PARP8: variants seen among roughly 807,000 people sequenced by gnomAD.
The protein encoded by PARP8 is poly(ADP-ribose) polymerase family member 8.
In PARP8, 51 loss-of-function variants were observed where a neutral mutation model predicts 124.1. The ratio of observed to expected loss-of-function variants is 0.41; its 90% CI spans 0.33 to 0.52. The LOEUF is 0.52. PARP8 is among the 20% of genes least tolerant of loss of function. The pLI is 0.21. For synonymous variants in PARP8, 391 were observed against 361.5 expected (o/e 1.08, Z -0.93); for missense variants, 860 against 1,018.9 (o/e 0.84, Z 2.12).
At chr5:50,754,180 C>T (rs202161380) in intron 3 of PARP8, among the ~76,000 whole-genome samples, 220 of 49,708 alleles carry the variant, frequency 4.4e-3, no homozygotes, top group East Asian at 0.012. Flanking sequence ...CACACACACA[C>T]ATATATATAT....
intron 7 of PARP8, among the ~76,000 whole-genome samples, chr5:50,765,262 CA>C (rs961956367): frequency 4.4e-4 from 61 of 138,466 alleles, no homozygotes; most frequent in Non-Finnish European, 5.2e-4. Flanking sequence ...AACTCCGTCT[CA>C]AAAAAAAAAA....
intron 2 of PARP8, among the ~76,000 whole-genome samples, chr5:50,697,689 T>C (rs1753177732): frequency 6.6e-6 from 1 of 152,144 alleles, no homozygotes; most frequent in South Asian, 2.1e-4. Context: ...TTTAAATGTT[T>C]TGTAGCGGCA....
chr5:50,667,289 A>G (rs1199819117), intron 1 of PARP8, 103 bp downstream of exon 1: 11 of 1,223,056 alleles, frequency 9.0e-6, no homozygotes, highest in Non-Finnish European at 1.3e-5. Flanking sequence ...GCACGTCCCC[A>G]TTCTGGGGTT....
At chr5:50,806,387 A>T (rs1175627702) in intron 14 of PARP8, among the ~76,000 whole-genome samples, 1 of 152,056 alleles carries the variant, frequency 6.6e-6, no homozygotes, top group Non-Finnish European at 1.5e-5. Flanking sequence ...TGGGCAATTC[A>T]TTCCTATAGT....
intron 9 of PARP8, among the ~76,000 whole-genome samples, chr5:50,785,190 G>A (rs192637058): frequency 3.9e-5 from 6 of 152,146 alleles, no homozygotes; most frequent in Admixed American, 2.0e-4. Context: ...ATGCTATTGA[G>A]TCAATGTTTG....
At position 50,821,131 on chromosome 5, in the gene PARP8, T is replaced by C; in HGVS notation, c.1669-82T>C. On this transcript the variant is annotated intron_variant, in intron 15 of 25. Transcript: ENST00000281631. ...AGTCCTGATCTTCCTCATTAACTTA[T>C]GCTACCTTGAGAGGGAGAAACAATG... 4 of 1,517,162 alleles carry C rather than the reference T, an allele frequency of 2.6e-6. No homozygotes were observed. In the South Asian group the frequency reaches 3.5e-5, roughly 13 times the overall value. The allele number at this position is 1,517,162 out of a possible 1,614,324, so 94.0% of individuals were successfully genotyped here.
In PARP8 at chr5:50,707,134, A is replaced by T. The variant is rs1449459687; in HGVS notation, c.146+39009A>T. ...AAACCTTTTTTGTACACATAAGAAC[A>T]TTTACTGATTTAATAAATCAGACGC... On this transcript the variant is annotated intron_variant, in intron 2 of 25. Transcript: ENST00000281631. Among the ~76,000 whole-genome samples, 3 of 152,122 alleles carry T rather than the reference A, an allele frequency of 2.0e-5. No homozygotes were observed. In the East Asian group the frequency reaches 5.8e-4, roughly 29 times the overall value.
At chr5:50,816,517 C>A (rs1162957952) in intron 15 of PARP8, among the ~76,000 whole-genome samples, 1 of 152,114 alleles carries the variant, frequency 6.6e-6, no homozygotes, top group African/African-American at 2.4e-5. Context: ...TGTACACACT[C>A]CTTGGCCTAG....
intron 5 of PARP8, 145 bp from the exon 6 acceptor site, chr5:50,761,676 T>C: frequency 2.1e-6 from 1 of 482,458 alleles, no homozygotes; most frequent in South Asian, 2.8e-5. Context: ...CCACTACCTT[T>C]TGTTCTGGGG....
intron 9 of PARP8, 152 bp from the exon 10 acceptor site, chr5:50,788,371 G>A: frequency 1.8e-6 from 1 of 546,970 alleles, no homozygotes; most frequent in Non-Finnish European, 3.3e-6. Context: ...TGTGCATATA[G>A]CATAAATAGC....
intron 2 of PARP8, among the ~76,000 whole-genome samples, chr5:50,737,624 C>T (rs1380905682): frequency 6.6e-6 from 1 of 152,154 alleles, no homozygotes; most frequent in Non-Finnish European, 1.5e-5. Context: ...TGTCCCTCAC[C>T]AGTTATTTAA....
intron 2 of PARP8, among the ~76,000 whole-genome samples, chr5:50,709,955 T>C (rs112095861): frequency 0.17 from 17,546 of 102,262 alleles, 1,538 homozygotes; most frequent in East Asian, 0.27. Context: ...TATATATATA[T>C]ACACATACAT....
At chr5:50,799,245 T>C (rs920078488) in intron 14 of PARP8, among the ~76,000 whole-genome samples, 9 of 152,216 alleles carry the variant, frequency 5.9e-5, no homozygotes, top group African/African-American at 2.2e-4. Flanking sequence ...TTTTTGTATA[T>C]GGTGTTAGGT....
intron 2 of PARP8, among the ~76,000 whole-genome samples, chr5:50,702,894 A>C (rs1174564581): frequency 6.6e-6 from 1 of 152,202 alleles, no homozygotes; most frequent in Non-Finnish European, 1.5e-5. Flanking sequence ...TGCTGGGCAC[A>C]TGGCTGTAGT....
In PARP8 at chr5:50,843,210, A is replaced by T. The variant is rs1428680267; in HGVS notation, c.*1142A>T. 1 of 151,662 alleles carries T rather than the reference A, an allele frequency of 6.6e-6. No homozygotes were observed. The highest frequency in any genetic ancestry group is 1.5e-5 in the Non-Finnish European group (1 of 67,796). The allele number at this position is 151,662 out of a possible 1,614,324, so 9.4% of individuals were successfully genotyped here. A position where few individuals can be genotyped will look rare whatever the true frequency, so the allele number is the denominator to read the frequency against. The stretch of plus-strand genomic sequence containing the variant: ...CATAATTTCATCAAAATCATTTCTT[A>T]TTCTTTGAGTCCTAGAGTTCTTATT... On this transcript the variant is annotated 3_prime_UTR_variant, in exon 26 of 26. Coordinates refer to ENST00000281631, the MANE Select transcript of PARP8 (RefSeq NM_024615.4).
intron 16 of PARP8, 152 bp downstream of exon 16, chr5:50,821,490 G>A (rs1308309376): frequency 9.0e-6 from 8 of 889,376 alleles, no homozygotes; most frequent in South Asian, 2.0e-5. Context: ...TATATTTTTG[G>A]GGATTCCGAC....
intron 15 of PARP8, among the ~76,000 whole-genome samples, chr5:50,816,321 C>G (rs1580441263): frequency 6.6e-6 from 1 of 152,130 alleles, no homozygotes; most frequent in Admixed American, 6.6e-5. Context: ...ATTGGTTTAG[C>G]GCTTTACCTT....
intron 10 of PARP8, among the ~76,000 whole-genome samples, chr5:50,793,752 A>G (rs1742219670): frequency 6.6e-6 from 1 of 152,164 alleles, no homozygotes; most frequent in Non-Finnish European, 1.5e-5. Flanking sequence ...TCAAGTAAAA[A>G]GAAAATGGCT....
chr5:50,732,138 A>G (rs1454038511), intron 2 of PARP8, among the ~76,000 whole-genome samples: 1 of 152,244 alleles, frequency 6.6e-6, no homozygotes, highest in Non-Finnish European at 1.5e-5. Flanking sequence ...CTTTATCATC[A>G]TAAATTTTCC....
Sources: allele counts gnomAD v4.1 joint callset (sites outside exome capture counted in the v4.1 genomes callset), GRCh38; gene constraint gnomAD v4.1.1; transcripts MANE v1.5; gene names NCBI Gene and HGNC (gene_info 2026-07-23, HGNC 2026-07-21).